The following CTBP2 variants were observed in gnomAD, a reference collection of about 807,000 sequenced individuals.
CTBP2 encodes the protein C-terminal-binding protein 2.
CTBP2 carries 30 observed loss-of-function variants against 80.3 expected under a neutral mutation model. That is an observed-to-expected ratio of 0.37 (90% CI 0.28 to 0.51). The LOEUF (loss-of-function observed/expected upper bound fraction) is 0.51. Ranked by LOEUF, CTBP2 falls within the 20% of genes least tolerant of loss-of-function variation. The pLI, the probability that CTBP2 is intolerant of heterozygous loss-of-function variation, is 0.93. For missense variants in CTBP2, 1,212 were observed against 1,375.3 expected (o/e 0.88, Z 1.88); for synonymous variants, 594 against 587.4 (o/e 1.01, Z -0.16).
At chr10:125,117,813 G>A (rs1047991464) in intron 1 of CTBP2, among the ~76,000 whole-genome samples, 2 of 152,138 alleles carry the variant, frequency 1.3e-5, no homozygotes, top group Non-Finnish European at 2.9e-5. Context: ...CAACAACCCC[G>A]AAAGCTAATT....
At chr10:125,006,811 C>T (rs1382528200) in intron 1 of CTBP2, among the ~76,000 whole-genome samples, 3 of 152,282 alleles carry the variant, frequency 2.0e-5, no homozygotes, top group South Asian at 2.1e-4. Context: ...TGGGAATTTG[C>T]GAGGAGAAAG....
Position 125,027,331 on chromosome 10 carries a change from G to T in CTBP2, c.429C>A (p.Gly143=). The T allele has an allele frequency of 6.2e-7, 1 of 1,613,662 alleles. No homozygotes were observed. Residue 143 remains glycine (G), a synonymous_variant, in exon 1 of 9, where the codon GGC becomes GGA. Coordinates refer to ENST00000309035, the MANE Select transcript of CTBP2 (RefSeq NM_022802.3). ...GCATTGGATCCCATGACGTTCTGCT[G>T]CCAAGCACTCCGTAGCTGGGGACCG... is the stretch of plus-strand genomic sequence containing the variant.
At position 124,984,502 on chromosome 10, in the gene CTBP2, C is replaced by T. The variant is rs1465271261; in HGVS notation, c.*5016G>A. 2.5e-6 allele frequency: 1 copy of T among 401,074 alleles called. No individual in the cohort carries two copies. Among genetic ancestry groups the T allele is most frequent in the Non-Finnish European group, 4.4e-6 (1 of 225,380 alleles). 24.8% of individuals were successfully genotyped at this position (401,074 alleles called of 1,614,324 possible). The stretch of plus-strand genomic sequence containing the variant: ...GCTTGCCAGGATCAGTTTATTAGGA[C>T]ATTTGTTTTTTATTTTATCTAACAA... On this transcript the variant is annotated 3_prime_UTR_variant, in exon 9 of 9. Transcript: ENST00000309035.
At chr10:125,038,094 T>A (rs1959067502) in intron 3 of CTBP2, among the ~76,000 whole-genome samples, 1 of 152,196 alleles carries the variant, frequency 6.6e-6, no homozygotes, top group Non-Finnish European at 1.5e-5. Context: ...TGTGAGGCCA[T>A]GGAGTCACTC....
chr10:125,095,704 G>A (rs2280618), intron 2 of CTBP2, among the ~76,000 whole-genome samples: 22,753 of 152,236 alleles, frequency 0.15, 1,792 homozygotes, highest in Middle Eastern at 0.22. Flanking sequence ...GTGATGTCCT[G>A]ACCTCAAAAC....
At chr10:125,142,812 A>G (rs1248542886) in intron 1 of CTBP2, among the ~76,000 whole-genome samples, 1 of 152,116 alleles carries the variant, frequency 6.6e-6, no homozygotes, top group Non-Finnish European at 1.5e-5. Context: ...CACCAGGAGG[A>G]AGGATTCTGT....
At chr10:125,053,145 T>G (rs1260150013) in intron 2 of CTBP2, among the ~76,000 whole-genome samples, 4 of 152,044 alleles carry the variant, frequency 2.6e-5, no homozygotes, top group African/African-American at 9.7e-5. Context: ...CAAGCATGAA[T>G]CCACGGGGCC....
intron 1 of CTBP2, among the ~76,000 whole-genome samples, chr10:125,123,830 A>C (rs1015167684): frequency 6.6e-6 from 1 of 152,236 alleles, no homozygotes; most frequent in African/African-American, 2.4e-5. Context: ...GTTCTCTCCC[A>C]GGTGCTGCCA....
chr10:125,086,947 GACACACACGTGCGCCC>G (rs1564886483), intron 2 of CTBP2, among the ~76,000 whole-genome samples: 2 of 152,092 alleles, frequency 1.3e-5, no homozygotes, highest in African/African-American at 2.4e-5. Context: ...AACAGTCCAC[GACACACACGTGCGCCC>G]ACACACACGA....
intron 1 of CTBP2, among the ~76,000 whole-genome samples, chr10:125,014,097 C>T (rs762996245): frequency 2.0e-5 from 3 of 152,168 alleles, no homozygotes; most frequent in South Asian, 2.1e-4. Context: ...GTTATCAGAA[C>T]GGCGGAGAAC....
chr10:125,138,666 T>TA (rs77530093), intron 1 of CTBP2, among the ~76,000 whole-genome samples: 1,678 of 124,622 alleles, frequency 0.013, 14 homozygotes, highest in African/African-American at 0.023. Flanking sequence ...GCCAAATGGT[T>TA]AAAAAAAAAA....
intron 2 of CTBP2, among the ~76,000 whole-genome samples, chr10:125,101,983 C>T (rs778372041): frequency 6.6e-6 from 1 of 152,184 alleles, no homozygotes; most frequent in Non-Finnish European, 1.5e-5. Context: ...CACCTCTCAT[C>T]AGCCTCCCTC....
intron 2 of CTBP2, among the ~76,000 whole-genome samples, chr10:125,060,809 C>T (rs1191458135): frequency 1.3e-5 from 2 of 152,216 alleles, no homozygotes; most frequent in Non-Finnish European, 2.9e-5. Context: ...GCCGGTGCCC[C>T]AACCTAGAGG....
intron 1 of CTBP2, among the ~76,000 whole-genome samples, chr10:125,146,482 C>T (rs111794770): frequency 6.6e-6 from 1 of 152,160 alleles, no homozygotes; most frequent in African/African-American, 2.4e-5. Context: ...GGGTTTTTGC[C>T]ATGTTGGCCA....
chr10:124,993,338 A>G lies in CTBP2; in HGVS notation c.2532-9T>C. On this transcript the variant is annotated splice_polypyrimidine_tract_variant and intron_variant, in intron 6 of 8. Transcript: ENST00000309035. ...ACGGACCCTGAGCAAAGCTAGAAAA[A>G]TGTAGAAAAAACAGAGTAAGCGGGA... 1 of 1,605,720 alleles carries G rather than the reference A, an allele frequency of 6.2e-7. No individual in the cohort carries two copies. The highest frequency in any genetic ancestry group is 2.2e-5 in the East Asian group (1 of 44,638).
chr10:125,108,839 C>T (rs924351712), intron 2 of CTBP2, among the ~76,000 whole-genome samples: 1 of 152,218 alleles, frequency 6.6e-6, no homozygotes, highest in Admixed American at 6.5e-5. Context: ...CAGTACCACA[C>T]CAAGTCTCTT....
intron 1 of CTBP2, among the ~76,000 whole-genome samples, chr10:125,149,529 G>A (rs989103849): frequency 6.6e-6 from 1 of 152,168 alleles, no homozygotes. Flanking sequence ...ACAAGACAGA[G>A]CAGAATCCAA....
In CTBP2 at chr10:125,026,271, C is replaced by T. The variant is rs757913775; in HGVS notation, c.1489G>A (p.Val497Met). Residue 497 changes from valine (V) to methionine (M), a missense_variant, in exon 1 of 9, where the codon GTG becomes ATG. Transcript: ENST00000309035. ...GGGCTGGGCAGCGGAGAGGCGGCCA[C>T]GTTGCGCTCCCTCTTTAGCAGCTCC... 1.1e-5 allele frequency: 17 copies of T among 1,613,736 alleles called. No homozygotes were observed. Among genetic ancestry groups the T allele is most frequent in the Non-Finnish European group, 1.4e-5 (16 of 1,179,946 alleles).
chr10:125,157,394 A>T (rs1591157554), intron 1 of CTBP2, among the ~76,000 whole-genome samples: 1 of 44,518 alleles, frequency 2.2e-5, no homozygotes, highest in Non-Finnish European at 4.6e-5. Flanking sequence ...GGTGGGGGTT[A>T]AAAAAAAAAA....
Sources: allele counts gnomAD v4.1 joint callset (sites outside exome capture counted in the v4.1 genomes callset), GRCh38; gene constraint gnomAD v4.1.1; transcripts MANE v1.5; gene names NCBI Gene and HGNC (gene_info 2026-07-23, HGNC 2026-07-21).